The following CTDP1 variants were observed in gnomAD, a reference collection of about 807,000 sequenced individuals.
CTDP1 encodes the protein RNA polymerase II subunit A C-terminal domain phosphatase.
CTDP1 carries 47 observed loss-of-function variants against 91.8 expected under a neutral mutation model. That is an observed-to-expected ratio of 0.51 (90% confidence interval 0.41 to 0.65). The LOEUF (loss-of-function observed/expected upper bound fraction) is 0.65. CTDP1 is among the 30% of genes least tolerant of loss of function. The pLI, the probability that CTDP1 is intolerant of heterozygous loss-of-function variation, is 0.00. For synonymous variants in CTDP1, 656 were observed against 598.5 expected (o/e 1.10, Z -1.40); for missense variants, 1,272 against 1,373.7 (o/e 0.93, Z 1.17).
chr18:79,679,717 G>T (rs375102439), upstream of CTDP1: 2 of 509,428 alleles, frequency 3.9e-6, no homozygotes, highest in Non-Finnish European at 7.3e-6. Context: ...GGACGGAGCC[G>T]GCTCCGGCCC....
At chr18:79,733,834 C>T (rs1361654411) in intron 11 of CTDP1, among the ~76,000 whole-genome samples, 2 of 152,268 alleles carry the variant, frequency 1.3e-5, no homozygotes, top group Non-Finnish European at 2.9e-5. Context: ...CATTTCATTT[C>T]CGTGCATTGA....
chr18:79,721,828 AT>A (rs200327297), intron 10 of CTDP1, among the ~76,000 whole-genome samples: 113 of 146,040 alleles, frequency 7.7e-4, no homozygotes, highest in Non-Finnish European at 8.4e-4. Flanking sequence ...ATTTTTATTT[AT>A]TTTTTTTTTT....
At chr18:79,710,466 A>G in intron 6 of CTDP1, 30 bp downstream of exon 6, 1 of 1,466,250 alleles carries the variant, frequency 6.8e-7, no homozygotes, top group South Asian at 1.1e-5. Flanking sequence ...CCTCACAAAG[A>G]CCTCGCTGTT....
intron 5 of CTDP1, among the ~76,000 whole-genome samples, chr18:79,705,122 G>A (rs1305126651): frequency 6.6e-6 from 1 of 152,176 alleles, no homozygotes; most frequent in Non-Finnish European, 1.5e-5. Context: ...TGCTCTGGCC[G>A]GGTGCGGTAC....
intron 1 of CTDP1, 70 bp from the exon 2 acceptor site, chr18:79,695,155 T>G (rs2085720846): frequency 2.1e-6 from 3 of 1,449,686 alleles, no homozygotes; most frequent in Non-Finnish European, 2.9e-6. Context: ...GATTTTAAAA[T>G]TCTTACTTGG....
rs676713 is a variant in CTDP1 at position 79,710,834 on chromosome 18, C to T, written c.863+398C>T. ...GTGTTGGGATTACAGGCATGAGCCA[C>T]TGCACCCGGCCTAGAGCAGTATTTC... On this transcript the variant is annotated intron_variant, in intron 6 of 12. Coordinates refer to ENST00000613122, the MANE Select transcript of CTDP1 (RefSeq NM_004715.5). Among the ~76,000 whole-genome samples the T allele has an allele frequency of 0.76, 115,550 of 151,818 alleles. 44,236 individuals carry two copies. Among genetic ancestry groups the T allele is most frequent in the Middle Eastern group, 0.79 (233 of 294 alleles).
At chr18:79,741,393 C>T (rs189144747) in intron 12 of CTDP1, among the ~76,000 whole-genome samples, 9 of 152,300 alleles carry the variant, frequency 5.9e-5, no homozygotes, top group South Asian at 2.1e-4. Context: ...CTAGAGTTCG[C>T]GGAGAAGTGA....
chr18:79,709,632 C>G (rs2086039862), intron 5 of CTDP1, among the ~76,000 whole-genome samples: 1 of 152,332 alleles, frequency 6.6e-6, no homozygotes, highest in East Asian at 1.9e-4. Flanking sequence ...TAAGCGGATT[C>G]TTCGCTGTGG....
intron 10 of CTDP1, among the ~76,000 whole-genome samples, chr18:79,725,344 C>T (rs1184512795): frequency 2.6e-5 from 4 of 152,166 alleles, no homozygotes; most frequent in African/African-American, 7.2e-5. Flanking sequence ...TTGCCCCTTC[C>T]TTTCACATAT....
intron 1 of CTDP1, among the ~76,000 whole-genome samples, chr18:79,682,629 C>G (rs1212738840): frequency 6.6e-6 from 1 of 152,210 alleles, no homozygotes; most frequent in African/African-American, 2.4e-5. Flanking sequence ...CCACGCCCAA[C>G]ACTGTTTGCT....
chr18:79,718,517 G>T (rs571931605), intron 10 of CTDP1, among the ~76,000 whole-genome samples: 53 of 152,302 alleles, frequency 3.5e-4, no homozygotes, highest in African/African-American at 1.1e-3. Context: ...AACTTGATTG[G>T]ACTGGAAGGC....
chr18:79,679,291 G>T (rs183082007), upstream of CTDP1: 3 of 409,716 alleles, frequency 7.3e-6, no homozygotes, highest in Non-Finnish European at 1.5e-5. Context: ...GGTCCGGGGG[G>T]GGACACGAGG....
At chr18:79,690,566 GCTTTTCA>G (rs2085599859) in intron 1 of CTDP1, among the ~76,000 whole-genome samples, 1 of 152,188 alleles carries the variant, frequency 6.6e-6, no homozygotes, top group African/African-American at 2.4e-5. Flanking sequence ...AGCGTTCAGG[GCTTTTCA>G]CCCCTGTTTT....
At chr18:79,743,414 T>A (rs765991549) in intron 12 of CTDP1, among the ~76,000 whole-genome samples, 39 of 151,248 alleles carry the variant, frequency 2.6e-4, no homozygotes, top group Non-Finnish European at 3.8e-4. Context: ...TAGTCCCAGC[T>A]ACTCAGGAGG....
chr18:79,696,014 T>C lies in CTDP1; in HGVS notation c.436T>C (p.Ser146Pro), dbSNP rs781438598. ...GAACGGGAAGCAGCAGGTGCCGCTG[T>C]CCACGGCGACCGTGTCCATGGTGCA... is the stretch of plus-strand genomic sequence containing the variant. ...SKNGKQQVPL[S>P]TATVSMVHSV... The change falls in exon 3 of 13, where the codon TCC (serine) becomes CCC (proline). Residue 146 changes from serine (S) to proline (P), a missense_variant. Transcript: ENST00000613122. 1.2e-6 allele frequency: 2 copies of C among 1,612,690 alleles called. No homozygotes were observed. Among genetic ancestry groups the C allele is most frequent in the African/African-American group, 1.3e-5 (1 of 75,048 alleles).
At chr18:79,704,997 A>T (rs943794604) in intron 5 of CTDP1, 80 bp downstream of exon 5, 1 of 1,590,410 alleles carries the variant, frequency 6.3e-7, no homozygotes, top group Non-Finnish European at 8.5e-7. Context: ...TTAAAGATGA[A>T]GAAAGAAAAG....
chr18:79,708,015 T>C (rs2086002671), intron 5 of CTDP1, among the ~76,000 whole-genome samples: 2 of 152,264 alleles, frequency 1.3e-5, no homozygotes, highest in Non-Finnish European at 2.9e-5. Context: ...AGTGATCATC[T>C]GGAATTTACG....
intron 4 of CTDP1, among the ~76,000 whole-genome samples, chr18:79,699,386 A>G (rs2085811313): frequency 6.6e-6 from 1 of 151,942 alleles, no homozygotes; most frequent in Non-Finnish European, 1.5e-5. Flanking sequence ...TCAGACTCCC[A>G]AGTAGCTGGG....
At chr18:79,729,159 C>T in intron 11 of CTDP1, 90 bp downstream of exon 11, 1 of 1,544,926 alleles carries the variant, frequency 6.5e-7, no homozygotes, top group Non-Finnish European at 8.9e-7. Context: ...GAGCTGTGCA[C>T]CTGGAGGCCG....
Sources: gnomAD v4.1 joint callset for allele counts (sites outside exome capture counted in the v4.1 genomes callset) on GRCh38, gnomAD v4.1.1 for gene constraint, MANE v1.5 for transcripts, NCBI Gene and HGNC (gene_info 2026-07-23, HGNC 2026-07-21) for gene names.